Variants in PEAK1 observed in about 807,000 individuals in gnomAD.
PEAK1 encodes pseudopodium enriched atypical kinase 1.
A neutral mutation model predicts 124.7 loss-of-function variants in PEAK1; 54 were observed. The observed-to-expected ratio is 0.43, with a 90% CI of 0.35 to 0.54. The LOEUF is 0.54. Ranked by LOEUF, PEAK1 falls within the 20% of genes least tolerant of loss-of-function variation. PEAK1 has a pLI of 0.01. For synonymous variants in PEAK1, 719 were observed against 760.0 expected (o/e 0.95, Z 0.89); for missense variants, 2,046 against 2,134.5 (o/e 0.96, Z 0.82).
chr15:77,381,896 G>T (rs957201074), intron 1 of PEAK1, among the ~76,000 whole-genome samples: 1 of 152,116 alleles, frequency 6.6e-6, no homozygotes, highest in Non-Finnish European at 1.5e-5. Flanking sequence ...GGGACTAAAA[G>T]AAATGAGATG....
At chr15:77,356,652 G>A (rs574681872) in intron 2 of PEAK1, among the ~76,000 whole-genome samples, 7 of 151,296 alleles carry the variant, frequency 4.6e-5, no homozygotes, top group African/African-American at 1.7e-4. Context: ...AATTGAGCAT[G>A]ATCACTTTCA....
At chr15:77,348,818 TG>T in intron 2 of PEAK1, 1 of 188,308 alleles carries the variant, frequency 5.3e-6, no homozygotes, top group Non-Finnish European at 7.1e-6. Context: ...GGCGGGCAGG[TG>T]GGGGTAGAGT....
rs533776387 is a variant in PEAK1, at chr15:77,264,174, A to G, written c.-274-11648T>C. On this transcript the variant is annotated intron_variant, in intron 5 of 9. Transcript: ENST00000682557. ...TACTGAATGGGCAAAAACTGGAAGC[A>G]TTCCCTTTGAAAACTGGCACAAGAC... Among the ~76,000 whole-genome samples, 425 of 152,250 alleles carry G rather than the reference A, an allele frequency of 2.8e-3. 2 individuals are homozygous for G. Among genetic ancestry groups the G allele is most frequent in the African/African-American group, 9.2e-3 (383 of 41,538 alleles).
At chr15:77,152,972 A>G (rs924131806) in intron 8 of PEAK1, among the ~76,000 whole-genome samples, 41 of 151,910 alleles carry the variant, frequency 2.7e-4, no homozygotes, top group African/African-American at 9.9e-4. Flanking sequence ...TGTCTCTGCC[A>G]GGCTTTGGTA....
At chr15:77,372,062 A>C (rs2068680885) in intron 1 of PEAK1, among the ~76,000 whole-genome samples, 1 of 152,238 alleles carries the variant, frequency 6.6e-6, no homozygotes. Context: ...ATAAGGCAAC[A>C]ACTCTGGCAA....
chr15:77,274,657 A>G (rs1052195350), intron 5 of PEAK1, among the ~76,000 whole-genome samples: 1 of 152,100 alleles, frequency 6.6e-6, no homozygotes, highest in Non-Finnish European at 1.5e-5. Context: ...CAAAAAATAA[A>G]AAAACATAGA....
chr15:77,270,936 T>C (rs1374237092), intron 5 of PEAK1, among the ~76,000 whole-genome samples: 1 of 152,130 alleles, frequency 6.6e-6, no homozygotes, highest in African/African-American at 2.4e-5. Context: ...AAATGGGATC[T>C]AATTAAACTA....
At chr15:77,256,746 T>C (rs966498450) in intron 5 of PEAK1, among the ~76,000 whole-genome samples, 2 of 152,146 alleles carry the variant, frequency 1.3e-5, no homozygotes, top group Non-Finnish European at 2.9e-5. Flanking sequence ...ATTATTATAC[T>C]TTAATTTTCA....
At position 77,181,445 on chromosome 15, in the gene PEAK1, GT is replaced by G. The variant is rs1372589007; in HGVS notation, c.481del (p.Thr161LeufsTer5). On this transcript the variant is annotated frameshift_variant, in exon 7 of 10. Coordinates refer to ENST00000682557, the MANE Select transcript of PEAK1 (RefSeq NM_001385026.1). LOFTEE classifies it high-confidence loss of function. ...EVLKEIAGLD[T>X]APQIRGNETN... is the part of the protein sequence containing the mutation. ...TTCATTTCCTCTTATCTGAGGGGCA[GT>G]ATCCAAGCCTGCTATCTCCTTTAAC... 6.2e-7 allele frequency: 1 copy of G among 1,614,140 alleles called. No individual in the cohort carries two copies. The highest frequency in any genetic ancestry group is 8.5e-7 in the Non-Finnish European group (1 of 1,180,018).
At chr15:77,233,851 G>A (rs1471514450) in intron 6 of PEAK1, among the ~76,000 whole-genome samples, 1 of 152,068 alleles carries the variant, frequency 6.6e-6, no homozygotes, top group Non-Finnish European at 1.5e-5. Context: ...AAGCATTCAT[G>A]TTTATTTTAT....
chr15:77,277,487 C>T (rs1236328162), intron 5 of PEAK1, among the ~76,000 whole-genome samples: 2 of 151,964 alleles, frequency 1.3e-5, no homozygotes, highest in Non-Finnish European at 2.9e-5. Context: ...TAATATTGTT[C>T]TATAGTTACA....
chr15:77,118,476 A>C (rs1274629028), intron 9 of PEAK1, among the ~76,000 whole-genome samples: 1 of 152,208 alleles, frequency 6.6e-6, no homozygotes, highest in Non-Finnish European at 1.5e-5. Flanking sequence ...CTAGTTCAAA[A>C]GTTATTTCAG....
At position 77,360,683 on chromosome 15, in the gene PEAK1, T is replaced by G. The variant is rs145073396; in HGVS notation, c.-603+4480A>C. Reference sequence around the variant, plus strand: ...ATGCAGGACTTGACTATGTGTGAATTTTGGTATACACAAGGGTCCTGAAAC... The same window carrying G: ...ATGCAGGACTTGACTATGTGTGAATGTTGGTATACACAAGGGTCCTGAAAC... On this transcript the variant is annotated intron_variant, in intron 2 of 9. Coordinates refer to ENST00000682557, the MANE Select transcript of PEAK1 (RefSeq NM_001385026.1). Among the ~76,000 whole-genome samples, 30 of 152,250 alleles carry G rather than the reference T, an allele frequency of 2.0e-4. 1 individual carries two copies. The highest frequency in any genetic ancestry group is 7.2e-4 in the African/African-American group (30 of 41,558).
Position 77,333,571 on chromosome 15 carries a change from T to C in PEAK1, c.-603+31592A>G, listed in dbSNP as rs1021733062. ...CACATTTCCTTATGTTTTTATTCTA[T>C]TTTAAAATGTTTTCATTATTTTAAC... On this transcript the variant is annotated intron_variant, in intron 2 of 9. Transcript: ENST00000682557. 8.8e-6 allele frequency: 8 copies of C among 912,190 alleles called. No individual in the cohort carries two copies. The African/African-American group carries it at 1.3e-4, about 14-fold the overall frequency. The allele number at this position is 912,190 out of a possible 1,614,324, so 56.5% of individuals were successfully genotyped here.
At chr15:77,206,389 G>A (rs1216528075) in intron 6 of PEAK1, among the ~76,000 whole-genome samples, 1 of 148,714 alleles carries the variant, frequency 6.7e-6, no homozygotes, top group Non-Finnish European at 1.5e-5. Context: ...CTAGAGCCCT[G>A]AGGAATCGCC....
intron 7 of PEAK1, among the ~76,000 whole-genome samples, chr15:77,176,965 GT>G (rs200657147): frequency 6.6e-6 from 1 of 151,288 alleles, no homozygotes; most frequent in Non-Finnish European, 1.5e-5. Flanking sequence ...TGAAATACAT[GT>G]TTTTTTTTGA....
intron 1 of PEAK1, among the ~76,000 whole-genome samples, chr15:77,377,572 C>A (rs554052752): frequency 6.6e-6 from 1 of 151,844 alleles, no homozygotes; most frequent in Admixed American, 6.6e-5. Flanking sequence ...CAGGTTCAAG[C>A]GATTCTCCTG....
intron 6 of PEAK1, among the ~76,000 whole-genome samples, chr15:77,236,590 C>T (rs1026287383): frequency 2.6e-5 from 4 of 151,974 alleles, no homozygotes; most frequent in Admixed American, 6.6e-5. Context: ...ACTTTGGAGT[C>T]GGGCTTTTGA....
chr15:77,381,434 A>C (rs1349024426), intron 1 of PEAK1: 1 of 941,782 alleles, frequency 1.1e-6, no homozygotes, highest in Non-Finnish European at 1.3e-6. Flanking sequence ...TCTTAAAAAA[A>C]ATAATTTTTT....
Sources: allele counts gnomAD v4.1 joint callset (sites outside exome capture counted in the v4.1 genomes callset), GRCh38; gene constraint gnomAD v4.1.1; transcripts MANE v1.5; gene names NCBI Gene and HGNC (gene_info 2026-07-23, HGNC 2026-07-21).